FTO: variants seen among roughly 807,000 people sequenced by gnomAD.
The protein encoded by FTO is FTO alpha-ketoglutarate dependent dioxygenase, also known as alpha-ketoglutarate-dependent dioxygenase FTO.
A neutral mutation model predicts 63.9 loss-of-function variants in FTO; 47 were observed. That is an observed-to-expected ratio of 0.74 (90% CI 0.58 to 0.94). FTO has a LOEUF of 0.94. FTO is among the 40% of genes least tolerant of loss of function. The probability of loss-of-function intolerance (pLI) is 0.00; values close to 1 mark genes in which losing one functional copy is unlikely to be tolerated. For synonymous variants in FTO, 207 were observed against 224.4 expected (o/e 0.92, Z 0.69); for missense variants, 562 against 618.1 (o/e 0.91, Z 0.96).
chr16:53,828,364 C>T (rs539650337), intron 3 of FTO, among the ~76,000 whole-genome samples: 64 of 152,258 alleles, frequency 4.2e-4, no homozygotes, highest in African/African-American at 1.4e-3. Flanking sequence ...GGGCTACAGG[C>T]GCCCGCCACC....
intron 8 of FTO, among the ~76,000 whole-genome samples, chr16:54,026,326 T>C (rs17825622): frequency 0.03 from 4,542 of 152,176 alleles, 123 homozygotes; most frequent in Middle Eastern, 0.12. Context: ...TCCTAATGGC[T>C]CACCTACATT....
At chr16:53,982,245 T>C (rs1012674040) in intron 8 of FTO, among the ~76,000 whole-genome samples, 1 of 152,218 alleles carries the variant, frequency 6.6e-6, no homozygotes, top group African/African-American at 2.4e-5. Flanking sequence ...GGTGAAGGGT[T>C]GTACCCTTAC....
chr16:53,875,470 T>C (rs773120418), intron 5 of FTO, among the ~76,000 whole-genome samples: 1 of 152,248 alleles, frequency 6.6e-6, no homozygotes, highest in Non-Finnish European at 1.5e-5. Flanking sequence ...GTGACTGGTA[T>C]ACATTCAAAG....
chr16:54,053,549 C>T (rs1169792947), intron 8 of FTO, among the ~76,000 whole-genome samples: 15 of 152,204 alleles, frequency 9.9e-5, no homozygotes, highest in African/African-American at 3.6e-4. Context: ...ATAGGCGACA[C>T]TCACTCTGGG....
intron 8 of FTO, among the ~76,000 whole-genome samples, chr16:53,952,047 G>C (rs543515523): frequency 6.6e-6 from 1 of 152,284 alleles, no homozygotes; most frequent in African/African-American, 2.4e-5. Flanking sequence ...CCTCCACTGA[G>C]TCTTTACTGT....
intron 8 of FTO, among the ~76,000 whole-genome samples, chr16:54,084,236 A>T (rs947948090): frequency 1.3e-5 from 2 of 152,214 alleles, no homozygotes; most frequent in African/African-American, 2.4e-5. Context: ...AGTAAACTTT[A>T]AATGATTATG....
chr16:53,812,066 G>A (rs2078543285), intron 2 of FTO, among the ~76,000 whole-genome samples: 1 of 151,970 alleles, frequency 6.6e-6, no homozygotes, highest in African/African-American at 2.4e-5. Context: ...ACACACCTTG[G>A]GCTCACAAAG....
chr16:54,103,194 A>G (rs543928205), intron 8 of FTO, among the ~76,000 whole-genome samples: 1 of 152,270 alleles, frequency 6.6e-6, no homozygotes, highest in South Asian at 2.1e-4. Flanking sequence ...GATGGTATTT[A>G]TGTGGCTGAA....
intron 8 of FTO, chr16:54,008,506 A>G (rs374127801): frequency 9.2e-5 from 14 of 152,184 alleles, no homozygotes; most frequent in South Asian, 6.2e-4. Flanking sequence ...TCATACTGCA[A>G]TGAAAACTGC....
intron 8 of FTO, among the ~76,000 whole-genome samples, chr16:53,967,018 A>G (rs1380037968): frequency 1.3e-5 from 2 of 152,226 alleles, no homozygotes; most frequent in East Asian, 3.8e-4. Context: ...CATCTTGAGG[A>G]GCAGCAGTTC....
At chr16:53,991,638 TTG>T (rs1270197254) in intron 8 of FTO, 1 of 152,204 alleles carries the variant, frequency 6.6e-6, no homozygotes, top group Non-Finnish European at 1.5e-5. Context: ...TGCTTTGAAC[TTG>T]TATGTTTTTG....
At position 53,950,155 on chromosome 16, in the gene FTO, TA is replaced by T. The variant is rs57925273; in HGVS notation, c.1364+16070del. On this transcript the variant is annotated intron_variant, in intron 8 of 8. Transcript: ENST00000471389. The stretch of plus-strand genomic sequence containing the variant: ...GGAAAAAAAAAGATATTCACATTTG[TA>T]AAAAAAAAAAAAAAAAAAAAAAACT... Among the ~76,000 whole-genome samples the T allele has an allele frequency of 6.5e-3, 329 of 50,618 alleles. 9 individuals carry two copies. The highest frequency in any genetic ancestry group is 0.01 in the Non-Finnish European group (231 of 22,572). The allele number at this position is 50,618 out of a possible 152,430, so 33.2% of individuals were successfully genotyped here.
chr16:53,968,569 G>A (rs2083246173), intron 8 of FTO, among the ~76,000 whole-genome samples: 1 of 152,184 alleles, frequency 6.6e-6, no homozygotes, highest in South Asian at 2.1e-4. Context: ...CTTTTCCCCA[G>A]CAGGACATTA....
At chr16:53,718,788 G>T (rs1233139386) in intron 1 of FTO, among the ~76,000 whole-genome samples, 3 of 151,930 alleles carry the variant, frequency 2.0e-5, no homozygotes, top group African/African-American at 4.8e-5. Flanking sequence ...TGGTTCCTTG[G>T]GATAAAGCCT....
At chr16:53,801,349 A>G (rs543543155) in intron 1 of FTO, among the ~76,000 whole-genome samples, 1 of 151,830 alleles carries the variant, frequency 6.6e-6, no homozygotes, top group East Asian at 1.9e-4. Context: ...TTTTACCACA[A>G]TATACTTTTC....
intron 4 of FTO, among the ~76,000 whole-genome samples, chr16:53,849,763 A>C (rs1403502342): frequency 2.6e-5 from 4 of 152,178 alleles, no homozygotes; most frequent in Non-Finnish European, 4.4e-5. Context: ...GGCCACTCCC[A>C]CTGGAGTCTG....
chr16:53,851,389 G>A (rs1598824526), intron 4 of FTO, among the ~76,000 whole-genome samples: 1 of 151,276 alleles, frequency 6.6e-6, no homozygotes, highest in Non-Finnish European at 1.5e-5. Flanking sequence ...AACCTGGGAG[G>A]CAGAGGTTGC....
At chr16:53,858,869 C>T (rs184960072) in intron 4 of FTO, among the ~76,000 whole-genome samples, 1 of 152,188 alleles carries the variant, frequency 6.6e-6, no homozygotes, top group Non-Finnish European at 1.5e-5. Context: ...CCATGTTGGC[C>T]AGGATAGTCT....
rs1377075045 is a variant in FTO, at chr16:53,744,893, G to C, written c.45+40664G>C. On this transcript the variant is annotated intron_variant, in intron 1 of 8. Transcript: ENST00000471389. ...CTTTGACCATACAACATCTAAAAAAGGGAGGATGTGGACAGGTAAACAAAC... is the reference window on the plus strand; with the variant it reads ...CTTTGACCATACAACATCTAAAAAACGGAGGATGTGGACAGGTAAACAAAC... 2.6e-5 allele frequency among the ~76,000 whole-genome samples: 4 copies of C among 150,998 alleles called. No individual in the cohort carries two copies. The East Asian group carries it at 7.8e-4, about 29-fold the overall frequency.
Sources: gnomAD v4.1 joint callset for allele counts (sites outside exome capture counted in the v4.1 genomes callset) on GRCh38, gnomAD v4.1.1 for gene constraint, MANE v1.5 for transcripts, NCBI Gene and HGNC (gene_info 2026-07-23, HGNC 2026-07-21) for gene names.